CNTNAP2: variants seen among roughly 807,000 people sequenced by gnomAD.
The protein encoded by CNTNAP2 is contactin associated protein 2, also known as contactin-associated protein-like 2.
Under a neutral mutation model 155.2 loss-of-function variants are expected in CNTNAP2, and 98 were observed. The observed-to-expected ratio is 0.63, with a 90% CI of 0.54 to 0.75. The LOEUF (loss-of-function observed/expected upper bound fraction) is 0.75. Among genes scored for constraint, CNTNAP2 ranks in the 30% least tolerant of loss-of-function variants. The pLI is 0.00. For missense variants in CNTNAP2, 1,727 were observed against 1,688.1 expected (o/e 1.02, Z -0.40); for synonymous variants, 651 against 631.2 (o/e 1.03, Z -0.47).
rs1034589261 is a variant in CNTNAP2 at position 146,231,051 on chromosome 7, A to G, written c.97+114078A>G. Among the ~76,000 whole-genome samples, 6 of 91,864 alleles carry G rather than the reference A, an allele frequency of 6.5e-5. No homozygotes were observed. In the East Asian group the frequency reaches 1.5e-3, roughly 24 times the overall value. The allele number at this position is 91,864 out of a possible 152,430, so 60.3% of individuals were successfully genotyped here. ...ATAAATAAATAAATAAAAAGTTAAT[A>G]TATTTAATATAGCTTGAAGAACCTA... On this transcript the variant is annotated intron_variant, in intron 1 of 23. Coordinates refer to ENST00000361727, the MANE Select transcript of CNTNAP2 (RefSeq NM_014141.6).
chr7:147,299,564 A>G (rs1238883738), intron 8 of CNTNAP2, among the ~76,000 whole-genome samples: 1 of 152,102 alleles, frequency 6.6e-6, no homozygotes, highest in East Asian at 1.9e-4. Flanking sequence ...CACAGTTATT[A>G]TTTAGTACTT....
At chr7:147,282,962 G>A (rs1298087754) in intron 8 of CNTNAP2, among the ~76,000 whole-genome samples, 1 of 151,796 alleles carries the variant, frequency 6.6e-6, no homozygotes, top group Non-Finnish European at 1.5e-5. Flanking sequence ...ACCCTTAAAA[G>A]TGTCCTGAAG....
At chr7:146,697,605 C>T (rs1022336478) in intron 1 of CNTNAP2, among the ~76,000 whole-genome samples, 4 of 152,118 alleles carry the variant, frequency 2.6e-5, no homozygotes, top group African/African-American at 9.7e-5. Context: ...TATATATTTA[C>T]TCTAGATGTT....
At chr7:147,359,305 A>G (rs554342527) in intron 9 of CNTNAP2, among the ~76,000 whole-genome samples, 22 of 152,224 alleles carry the variant, frequency 1.4e-4, no homozygotes, top group African/African-American at 5.3e-4. Flanking sequence ...TAAAAGTATG[A>G]GCAAAATCTG....
intron 1 of CNTNAP2, among the ~76,000 whole-genome samples, chr7:146,132,537 G>T (rs1266640157): frequency 6.7e-6 from 1 of 150,028 alleles, no homozygotes; most frequent in South Asian, 2.1e-4. Context: ...CTAGCATTAG[G>T]TATATCTCCC....
intron 2 of CNTNAP2, among the ~76,000 whole-genome samples, chr7:146,803,432 C>G (rs1285614757): frequency 6.6e-6 from 1 of 152,116 alleles, no homozygotes; most frequent in Admixed American, 6.5e-5. Context: ...AGAACAATCC[C>G]CTAGTGCACA....
chr7:147,385,728 C>T (rs1180868125), intron 9 of CNTNAP2, among the ~76,000 whole-genome samples: 2 of 152,182 alleles, frequency 1.3e-5, no homozygotes, highest in Non-Finnish European at 2.9e-5. Context: ...AGTCTGTGGC[C>T]TTTCCAGGCA....
chr7:147,685,115 A>G (rs576395251), intron 13 of CNTNAP2, among the ~76,000 whole-genome samples: 15 of 152,026 alleles, frequency 9.9e-5, no homozygotes, highest in Admixed American at 6.6e-4. Flanking sequence ...TTAAAGCTAT[A>G]AAAGCAAACA....
At chr7:148,331,690 C>CGGATGGAGTCGAT (rs1563045884) in intron 21 of CNTNAP2, among the ~76,000 whole-genome samples, 7 of 145,972 alleles carry the variant, frequency 4.8e-5, no homozygotes, top group Admixed American at 6.8e-5. Flanking sequence ...ATGGAATGGA[C>CGGATGGAGTCGAT]GGATGGAGTG....
chr7:148,306,810 T>C lies in CNTNAP2; in HGVS notation c.3475+39684T>C, dbSNP rs576086255. Among the ~76,000 whole-genome samples, 91 of 152,258 alleles carry C rather than the reference T, an allele frequency of 6.0e-4. 1 individual carries two copies. The South Asian group carries it at 7.9e-3, about 13-fold the overall frequency. On this transcript the variant is annotated intron_variant, in intron 21 of 23. Transcript: ENST00000361727. Reference sequence around the variant, plus strand: ...GTATATGTGTATTTTCGTTTGTTTTTCTTTTTTCTTCTCCTGTGTTTGAGA... The same window carrying C: ...GTATATGTGTATTTTCGTTTGTTTTCCTTTTTTCTTCTCCTGTGTTTGAGA...
At chr7:146,890,174 A>AT (rs763132050) in intron 3 of CNTNAP2, among the ~76,000 whole-genome samples, 14 of 152,194 alleles carry the variant, frequency 9.2e-5, no homozygotes, top group Non-Finnish European at 1.6e-4. Context: ...GGGAAAATGT[A>AT]TTAAAGATAT....
At chr7:146,592,227 G>A (rs1368094734) in intron 1 of CNTNAP2, among the ~76,000 whole-genome samples, 4 of 152,186 alleles carry the variant, frequency 2.6e-5, no homozygotes, top group Non-Finnish European at 5.9e-5. Flanking sequence ...CTGAGATGAG[G>A]ATCTCTGTGG....
intron 3 of CNTNAP2, among the ~76,000 whole-genome samples, chr7:146,926,160 A>G (rs1043561504): frequency 1.3e-5 from 2 of 152,140 alleles, no homozygotes; most frequent in Admixed American, 1.3e-4. Context: ...ATCTTTCAGA[A>G]TATTTTATTA....
At chr7:146,250,283 G>T (rs1799735662) in intron 1 of CNTNAP2, among the ~76,000 whole-genome samples, 1 of 152,186 alleles carries the variant, frequency 6.6e-6, no homozygotes, top group Non-Finnish European at 1.5e-5. Context: ...TGAATTCTAT[G>T]AAATTACTAA....
At chr7:146,915,046 T>A (rs1796366703) in intron 3 of CNTNAP2, among the ~76,000 whole-genome samples, 1 of 152,118 alleles carries the variant, frequency 6.6e-6, no homozygotes, top group African/African-American at 2.4e-5. Context: ...GGCTTGTCAG[T>A]TATCCCAGCA....
At chr7:147,476,928 TTAAAAA>T (rs1563219773) in intron 10 of CNTNAP2, among the ~76,000 whole-genome samples, 15 of 137,750 alleles carry the variant, frequency 1.1e-4, no homozygotes, top group Middle Eastern at 3.4e-3. Flanking sequence ...ACTCTGTCAT[TTAAAAA>T]AAAAAAAAAA....
intron 1 of CNTNAP2, among the ~76,000 whole-genome samples, chr7:146,643,883 T>C (rs1799760216): frequency 6.6e-6 from 1 of 151,830 alleles, no homozygotes; most frequent in African/African-American, 2.4e-5. Context: ...TCACGTCTCT[T>C]GTAAGTTGGA....
At chr7:146,683,941 A>G (rs555479446) in intron 1 of CNTNAP2, among the ~76,000 whole-genome samples, 16 of 152,324 alleles carry the variant, frequency 1.1e-4, no homozygotes, top group African/African-American at 3.8e-4. Flanking sequence ...AAATAGTCAT[A>G]GCAGCTACAC....
In CNTNAP2 at chr7:147,480,716, G is replaced by A. The variant is rs1049667506; in HGVS notation, c.1671-5219G>A. Among the ~76,000 whole-genome samples, 5 of 152,256 alleles carry A rather than the reference G, an allele frequency of 3.3e-5. 1 individual carries two copies. The Middle Eastern group carries it at 0.017, about 518-fold the overall frequency. On this transcript the variant is annotated intron_variant, in intron 10 of 23. Transcript: ENST00000361727. The stretch of plus-strand genomic sequence containing the variant: ...GCTGCAGGCTGTCTTCTCTCCTTGT[G>A]CTCCCTTCCTGGGCTGTTTCTCCTC...
Sources: allele counts gnomAD v4.1 joint callset (sites outside exome capture counted in the v4.1 genomes callset), GRCh38; gene constraint gnomAD v4.1.1; transcripts MANE v1.5; gene names NCBI Gene and HGNC (gene_info 2026-07-23, HGNC 2026-07-21).